Variants in MTSS1 observed in about 807,000 individuals in gnomAD.
MTSS1 encodes protein MTSS 1.
MTSS1 carries 18 observed loss-of-function variants against 79.0 expected under a neutral mutation model. That is an observed-to-expected ratio of 0.23 (90% confidence interval 0.16 to 0.34). The LOEUF is 0.34. MTSS1 is among the 10% of genes least tolerant of loss of function. The probability of loss-of-function intolerance (pLI) is 1.00; values close to 1 mark genes in which losing one functional copy is unlikely to be tolerated. For missense variants in MTSS1, 815 were observed against 986.2 expected, an observed-to-expected ratio of 0.83 and a Z score of 2.33; for synonymous variants, 341 against 368.6, an observed-to-expected ratio of 0.93 and a Z score of 0.86.
chr8:124,590,851 T>C (rs1235762503), intron 4 of MTSS1, among the ~76,000 whole-genome samples: 1 of 152,130 alleles, frequency 6.6e-6, no homozygotes, highest in Non-Finnish European at 1.5e-5. Context: ...CGCAGGGCAG[T>C]GGGGGCCCAA....
intron 3 of MTSS1, among the ~76,000 whole-genome samples, chr8:124,635,299 C>T (rs149317994): frequency 2.8e-4 from 43 of 152,330 alleles, no homozygotes; most frequent in African/African-American, 9.9e-4. Context: ...AACTCTAGAT[C>T]ACCTTAGAGA....
intron 3 of MTSS1, among the ~76,000 whole-genome samples, chr8:124,628,098 T>A (rs1386311198): frequency 6.6e-6 from 1 of 152,002 alleles, no homozygotes; most frequent in Non-Finnish European, 1.5e-5. Context: ...ACCCGGGAGA[T>A]GGAGGTTGCA....
At chr8:124,574,282 A>G (rs1316005991) in intron 6 of MTSS1, among the ~76,000 whole-genome samples, 1 of 152,170 alleles carries the variant, frequency 6.6e-6, no homozygotes, top group Non-Finnish European at 1.5e-5. Context: ...AACTTTACAG[A>G]GTTTTCTGGA....
chr8:124,725,067 G>C (rs16899968), intron 1 of MTSS1, among the ~76,000 whole-genome samples: 5,292 of 152,292 alleles, frequency 0.035, 331 homozygotes, highest in African/African-American at 0.12. Context: ...CAGCAGGGTA[G>C]AATAAACGGG....
At chr8:124,576,963 G>A (rs906068711) in intron 6 of MTSS1, among the ~76,000 whole-genome samples, 2 of 152,326 alleles carry the variant, frequency 1.3e-5, no homozygotes, top group East Asian at 3.9e-4. Flanking sequence ...GCCCCTGAAT[G>A]CAGCCACAGG....
At chr8:124,596,596 G>A (rs1355001070) in intron 3 of MTSS1, among the ~76,000 whole-genome samples, 1 of 152,200 alleles carries the variant, frequency 6.6e-6, no homozygotes, top group Non-Finnish European at 1.5e-5. Context: ...CGTCCACTGA[G>A]TATTTGTATT....
At chr8:124,720,964 C>G (rs373364847) in intron 1 of MTSS1, among the ~76,000 whole-genome samples, 1 of 152,176 alleles carries the variant, frequency 6.6e-6, no homozygotes. Flanking sequence ...TTAAATAACT[C>G]GCCCATGGGA....
chr8:124,623,289 T>C (rs1813978697), intron 3 of MTSS1, among the ~76,000 whole-genome samples: 2 of 152,258 alleles, frequency 1.3e-5, no homozygotes, highest in Admixed American at 6.5e-5. Flanking sequence ...CATATGTCTA[T>C]AGTGAACCTG....
rs59976165 is a variant in MTSS1 at position 124,632,279 on chromosome 8, C to CAA, written c.209-41046_209-41045dup. On this transcript the variant is annotated intron_variant, in intron 3 of 13. Transcript: ENST00000518547. ...TAGGAAGCAGAGTGAGACTCTGTCT[C>CAA]AAAAAAAAAAAAAAAAAAAGGTAAG... 5.7e-3 allele frequency among the ~76,000 whole-genome samples: 394 copies of CAA among 69,116 alleles called. 4 individuals carry two copies. Among genetic ancestry groups the CAA allele is most frequent in the African/African-American group, 0.018 (370 of 20,800 alleles). The allele number at this position is 69,116 out of a possible 152,430, so 45.3% of individuals were successfully genotyped here. A position where few individuals can be genotyped will look rare whatever the true frequency, so the allele number is the denominator to read the frequency against.
intron 11 of MTSS1, among the ~76,000 whole-genome samples, 176 bp downstream of exon 11, chr8:124,557,505 C>T (rs536497445): frequency 1.2e-4 from 19 of 152,276 alleles, no homozygotes; most frequent in African/African-American, 4.1e-4. Flanking sequence ...TTAGAGCTGC[C>T]GGCTGCTTTC....
intron 3 of MTSS1, among the ~76,000 whole-genome samples, chr8:124,653,035 G>A (rs1820291466): frequency 1.3e-5 from 2 of 152,198 alleles, no homozygotes; most frequent in South Asian, 2.1e-4. Flanking sequence ...ACTTTCAAAG[G>A]CAACTGATGA....
chr8:124,588,707 T>C (rs890406876), intron 5 of MTSS1, among the ~76,000 whole-genome samples: 1 of 152,176 alleles, frequency 6.6e-6, no homozygotes, highest in Non-Finnish European at 1.5e-5. Context: ...GCCATGATGA[T>C]TTTCACTTCT....
chr8:124,673,011 G>A (rs943913824), intron 3 of MTSS1, among the ~76,000 whole-genome samples: 2 of 152,140 alleles, frequency 1.3e-5, no homozygotes, highest in East Asian at 3.8e-4. Flanking sequence ...AATCTTGCAA[G>A]CCATGAGGAT....
chr8:124,692,372 T>TA (rs1396842939), intron 3 of MTSS1, among the ~76,000 whole-genome samples: 4 of 137,312 alleles, frequency 2.9e-5, no homozygotes, highest in Non-Finnish European at 6.3e-5. Flanking sequence ...TCAATCTTTT[T>TA]AAAAAGAAAA....
chr8:124,641,897 A>T (rs941245368), intron 3 of MTSS1, among the ~76,000 whole-genome samples: 5 of 152,236 alleles, frequency 3.3e-5, no homozygotes, highest in African/African-American at 1.2e-4. Flanking sequence ...TGGCAGATAA[A>T]TCTTTTTTCC....
At chr8:124,695,545 A>G (rs1433415861) in intron 3 of MTSS1, among the ~76,000 whole-genome samples, 1 of 152,208 alleles carries the variant, frequency 6.6e-6, no homozygotes, top group Admixed American at 6.5e-5. Context: ...TTAAAAATAG[A>G]TCACTTGTAG....
rs969922070 is a variant in MTSS1, at chr8:124,582,139, C to T, written c.460+2948G>A. On this transcript the variant is annotated intron_variant, in intron 6 of 13. Coordinates refer to ENST00000518547, the MANE Select transcript of MTSS1 (RefSeq NM_014751.6). The surrounding 1 kb of genome is among the most constrained non-coding windows in gnomAD (Gnocchi z 4.8). ...GTGAGGACTGGCTAACTCCTTGCCT[C>T]GTGTTTACTTCTAGTAGGCATCTGA... is the stretch of plus-strand genomic sequence containing the variant. Among the ~76,000 whole-genome samples, 1 of 152,154 alleles carries T rather than the reference C, an allele frequency of 6.6e-6. No individual in the cohort carries two copies. The highest frequency in any genetic ancestry group is 1.5e-5 in the Non-Finnish European group (1 of 68,032).
chr8:124,655,811 G>A (rs1820831654), intron 3 of MTSS1, among the ~76,000 whole-genome samples: 2 of 152,266 alleles, frequency 1.3e-5, no homozygotes, highest in South Asian at 4.1e-4. Flanking sequence ...TGAAGCATCA[G>A]ACAGAGATCA....
intron 3 of MTSS1, among the ~76,000 whole-genome samples, chr8:124,662,131 G>T (rs770603869): frequency 6.6e-6 from 1 of 152,164 alleles, no homozygotes; most frequent in Non-Finnish European, 1.5e-5. Flanking sequence ...GTGCTACAAC[G>T]TTCCAGGGGC....
Sources: gnomAD v4.1 joint callset for allele counts (sites outside exome capture counted in the v4.1 genomes callset) on GRCh38, gnomAD v4.1.1 for gene constraint, Gnocchi (gnomAD v3.1) non-coding constraint, MANE v1.5 for transcripts, NCBI Gene and HGNC (gene_info 2026-07-23, HGNC 2026-07-21) for gene names.